MYH10: variants seen among roughly 807,000 people sequenced by gnomAD.
MYH10 encodes the protein myosin-10.
In MYH10, 55 loss-of-function variants were observed where a neutral mutation model predicts 257.8. The observed-to-expected ratio is 0.21, with a 90% confidence interval of 0.17 to 0.27. The LOEUF is 0.27. MYH10 is among the 10% of genes least tolerant of loss of function. MYH10 has a pLI of 1.00. For synonymous variants in MYH10, 854 were observed against 921.7 expected, an observed-to-expected ratio of 0.93 and a Z score of 1.33; for missense variants, 1,631 against 2,500.6, an observed-to-expected ratio of 0.65 and a Z score of 7.42.
rs765951855 is a variant in MYH10, at chr17:8,550,527, GC to G, written c.919+1518del. 1.4e-3 allele frequency among the ~76,000 whole-genome samples: 205 copies of G among 150,534 alleles called. 1 individual carries two copies. The highest frequency in any genetic ancestry group is 2.3e-3 in the Non-Finnish European group (154 of 67,492). Reference sequence around the variant, plus strand: ...GTCCGGGAGGGAGGTGGGGGGGACAGCCCCCCGCCCGGCCAGCCGCCCTGCC... The same window carrying G: ...GTCCGGGAGGGAGGTGGGGGGGACAGCCCCCGCCCGGCCAGCCGCCCTGCC... On this transcript the variant is annotated intron_variant, in intron 9 of 42. Coordinates refer to ENST00000360416, the MANE Select transcript of MYH10 (RefSeq NM_001256012.3).
intron 21 of MYH10, among the ~76,000 whole-genome samples, chr17:8,516,018 C>T (rs1169108563): frequency 6.6e-6 from 1 of 152,164 alleles, no homozygotes; most frequent in Non-Finnish European, 1.5e-5. Flanking sequence ...CTTCTTTGGC[C>T]CTCTGGGAGA....
At position 8,474,590 on chromosome 17, in the gene MYH10, T is replaced by A. The variant is rs1480399063; in HGVS notation, c.*1214A>T. 2.2e-4 allele frequency: 33 copies of A among 152,654 alleles called. No homozygotes were observed. The highest frequency in any genetic ancestry group is 8.0e-4 in the African/African-American group (33 of 41,462). 9.5% of individuals were successfully genotyped at this position (152,654 alleles called of 1,614,324 possible). ...ACTTTGACTAGAGAGGTACATGATATGAAGCACAGTCAAAACTGAATACAT... is the reference window on the plus strand; with the variant it reads ...ACTTTGACTAGAGAGGTACATGATAAGAAGCACAGTCAAAACTGAATACAT... On this transcript the variant is annotated 3_prime_UTR_variant, in exon 43 of 43. Transcript: ENST00000360416.
chr17:8,481,333 G>A lies in MYH10; in HGVS notation c.5253C>T (p.Ser1751=), dbSNP rs754080700. The A allele has an allele frequency of 3.0e-5, 49 of 1,613,776 alleles. No homozygotes were observed. The highest frequency in any genetic ancestry group is 8.8e-5 in the South Asian group (8 of 91,086). Residue 1751 remains serine, a synonymous_variant, in exon 38 of 43, where the codon AGC becomes AGT. Coordinates refer to ENST00000360416, the MANE Select transcript of MYH10 (RefSeq NM_001256012.3). ...CGTGGGAGACTCACTTGCCAGAGGC[G>A]CTGTTGGTGATCTCGTCCGCCAGCT... The part of the protein sequence containing the change: ...RDELADEITN[S]ASGKSALLDE...
At position 8,505,034 on chromosome 17, in the gene MYH10, G is replaced by A. The variant is rs913258698; in HGVS notation, c.3387-128C>T. On this transcript the variant is annotated intron_variant, in intron 27 of 42. Transcript: ENST00000360416. ...CCCCACATCCCTCCTCCTGGGGCCT[G>A]AGGCTGGTGCAGATGCTCAGCACCT... 8 of 776,160 alleles carry A rather than the reference G, an allele frequency of 1.0e-5. 1 individual carries two copies. The highest frequency in any genetic ancestry group is 6.5e-5 in the South Asian group (4 of 61,614). 48.1% of individuals were successfully genotyped at this position (776,160 alleles called of 1,614,324 possible).
chr17:8,495,489 G>T (rs929982323), intron 30 of MYH10, among the ~76,000 whole-genome samples: 1 of 151,994 alleles, frequency 6.6e-6, no homozygotes, highest in Non-Finnish European at 1.5e-5. Flanking sequence ...AGGGGGCGGG[G>T]GGTCTCCTAA....
At chr17:8,531,125 A>C (rs1047569936) in intron 16 of MYH10, among the ~76,000 whole-genome samples, 1 of 152,210 alleles carries the variant, frequency 6.6e-6, no homozygotes, top group Non-Finnish European at 1.5e-5. Context: ...TGTGTAATTA[A>C]TTTTACTTCT....
intron 3 of MYH10, among the ~76,000 whole-genome samples, chr17:8,595,029 A>T (rs1466043910): frequency 6.6e-6 from 1 of 152,244 alleles, no homozygotes; most frequent in Non-Finnish European, 1.5e-5. Context: ...AATGTTCTTT[A>T]CATGGTGAGT....
At chr17:8,532,790 T>C (rs2082040470) in intron 16 of MYH10, among the ~76,000 whole-genome samples, 1 of 152,184 alleles carries the variant, frequency 6.6e-6, no homozygotes, top group Non-Finnish European at 1.5e-5. Context: ...ATGTCTCTCA[T>C]TGCTTCCAGA....
chr17:8,561,473 A>C, intron 7 of MYH10: 1 of 1,351,482 alleles, frequency 7.4e-7, no homozygotes. Flanking sequence ...ATTCACAGCA[A>C]AGTAGTCAGG....
In MYH10 at chr17:8,503,008, C is replaced by T. The variant is rs1214421392; in HGVS notation, c.3599+1686G>A. Among the ~76,000 whole-genome samples the T allele has an allele frequency of 5.9e-5, 9 of 152,224 alleles. No individual in the cohort carries two copies. The South Asian group carries it at 8.3e-4, about 14-fold the overall frequency. Reference sequence around the variant, plus strand: ...CTGCTGAAGTGGGGTAAGGGCTGGGCGCGGTGGCTCACGCCTGTAATCCCA... The same window carrying T: ...CTGCTGAAGTGGGGTAAGGGCTGGGTGCGGTGGCTCACGCCTGTAATCCCA... On this transcript the variant is annotated intron_variant, in intron 28 of 42. Transcript: ENST00000360416.
At chr17:8,521,046 C>G (rs751940647) in intron 18 of MYH10, 46 bp downstream of exon 18, 2 of 1,612,416 alleles carry the variant, frequency 1.2e-6, no homozygotes, top group South Asian at 2.2e-5. Context: ...TAGCATCTGA[C>G]CTAGATCAGT....
intron 23 of MYH10, 90 bp downstream of exon 23, chr17:8,513,448 A>C (rs2081363408): frequency 6.5e-7 from 1 of 1,548,412 alleles, no homozygotes; most frequent in African/African-American, 1.4e-5. Flanking sequence ...GGGTACAGCT[A>C]TTCATAATGA....
At chr17:8,570,483 G>A (rs971849485) in intron 6 of MYH10, among the ~76,000 whole-genome samples, 2 of 152,260 alleles carry the variant, frequency 1.3e-5, no homozygotes, top group East Asian at 1.9e-4. Flanking sequence ...ATATTAATAC[G>A]TACTTTAATC....
At chr17:8,583,867 T>G (rs1186849722) in intron 4 of MYH10, among the ~76,000 whole-genome samples, 5 of 152,162 alleles carry the variant, frequency 3.3e-5, no homozygotes, top group African/African-American at 9.7e-5. Flanking sequence ...TCAAATATAC[T>G]CAAAAGGAGA....
At position 8,478,415 on chromosome 17, in the gene MYH10, G is replaced by A. The variant is rs763285249; in HGVS notation, c.5629C>T (p.Arg1877Cys). 13 of 1,614,232 alleles carry A rather than the reference G, an allele frequency of 8.1e-6. No homozygotes were observed. The highest frequency in any genetic ancestry group is 2.2e-5 in the South Asian group (2 of 91,078). Residue 1877 changes from arginine (R) to cysteine (C), a missense_variant, in exon 41 of 43, where the codon CGC becomes TGC. Coordinates refer to ENST00000360416, the MANE Select transcript of MYH10 (RefSeq NM_001256012.3). ...ERAAANKLVR[R>C]TEKKLKEIFM... ...ATTTCTTTCAGCTTCTTCTCAGTGC[G>A]ACGGACTAATTTGTTGGCGGCTGCT...
intron 2 of MYH10, among the ~76,000 whole-genome samples, chr17:8,605,253 T>C (rs2084753112): frequency 6.6e-6 from 1 of 152,196 alleles, no homozygotes; most frequent in African/African-American, 2.4e-5. Flanking sequence ...CTTCCTGACT[T>C]CACGTGGCTA....
intron 39 of MYH10, 33 bp downstream of exon 39, chr17:8,480,369 C>A: frequency 6.2e-7 from 1 of 1,612,984 alleles, no homozygotes; most frequent in Non-Finnish European, 8.5e-7. Flanking sequence ...GTGGCACAGC[C>A]CTCCCTGGGT....
At chr17:8,587,603 T>A (rs1335596640) in intron 4 of MYH10, among the ~76,000 whole-genome samples, 1 of 152,058 alleles carries the variant, frequency 6.6e-6, no homozygotes, top group Non-Finnish European at 1.5e-5. Flanking sequence ...CACTAGGACC[T>A]CACTGTGCCC....
chr17:8,514,999 C>T (rs896602770), intron 21 of MYH10, among the ~76,000 whole-genome samples: 33 of 152,188 alleles, frequency 2.2e-4, no homozygotes, highest in Non-Finnish European at 3.8e-4. Flanking sequence ...TGCTCCACTC[C>T]GACAGTCCAC....
Sources: allele counts gnomAD v4.1 joint callset (sites outside exome capture counted in the v4.1 genomes callset), GRCh38; gene constraint gnomAD v4.1.1; transcripts MANE v1.5; gene names NCBI Gene and HGNC (gene_info 2026-07-23, HGNC 2026-07-21).